The following PLEKHA8 variants were observed in gnomAD, a reference collection of about 807,000 sequenced individuals.
PLEKHA8 encodes pleckstrin homology domain-containing family A member 8.
Under a neutral mutation model 68.2 loss-of-function variants are expected in PLEKHA8, and 36 were observed. The ratio of observed to expected loss-of-function variants is 0.53; its 90% CI spans 0.40 to 0.70. PLEKHA8 has a LOEUF of 0.70. Among genes scored for constraint, PLEKHA8 ranks in the 30% least tolerant of loss-of-function variants. PLEKHA8 has a pLI of 0.00. For synonymous variants in PLEKHA8, 211 were observed against 216.1 expected, an observed-to-expected ratio of 0.98 and a Z score of 0.20; for missense variants, 505 against 615.4, an observed-to-expected ratio of 0.82 and a Z score of 1.90.
At chr7:30,049,052 G>A (rs1426304229) in intron 4 of PLEKHA8, 172 bp from the exon 5 acceptor site, 1 of 738,494 alleles carries the variant, frequency 1.4e-6, no homozygotes, top group Non-Finnish European at 2.2e-6. Flanking sequence ...AAATAGTGCT[G>A]ATAGTTACTT....
intron 2 of PLEKHA8, 65 bp downstream of exon 2, chr7:30,045,266 C>T: frequency 8.4e-7 from 1 of 1,196,248 alleles, no homozygotes; most frequent in Non-Finnish European, 1.2e-6. Flanking sequence ...ACAAAAAAGC[C>T]CCTGGCCCCT....
At chr7:30,064,386 T>C (rs1793668232) in intron 12 of PLEKHA8, among the ~76,000 whole-genome samples, 1 of 152,110 alleles carries the variant, frequency 6.6e-6, no homozygotes, top group East Asian at 1.9e-4. Flanking sequence ...ACTCCATCTC[T>C]ACAAAAATTA....
At chr7:30,046,122 A>G (rs1791936559) in intron 2 of PLEKHA8, 88 bp from the exon 3 acceptor site, 2 of 1,279,614 alleles carry the variant, frequency 1.6e-6, no homozygotes, top group Admixed American at 2.6e-5. Flanking sequence ...AATGACTGCC[A>G]TCAATTAAGC....
At chr7:30,125,016 C>T (rs1796750696) in intron 13 of PLEKHA8, among the ~76,000 whole-genome samples, 1 of 151,788 alleles carries the variant, frequency 6.6e-6, no homozygotes, top group Non-Finnish European at 1.5e-5. Context: ...TAATAAAATA[C>T]ATGGAACATA....
chr7:30,080,741 C>G lies in PLEKHA8; in HGVS notation c.*1954C>G. ...GTGTGTGTGTTATTTCCCTCCCACTCTCATGAGCAGTGAGTATAGATCTCC... is the reference window on the plus strand; with the variant it reads ...GTGTGTGTGTTATTTCCCTCCCACTGTCATGAGCAGTGAGTATAGATCTCC... On this transcript the variant is annotated 3_prime_UTR_variant, in exon 14 of 14. Transcript: ENST00000449726. 4.1e-6 allele frequency: 4 copies of G among 985,258 alleles called. No homozygotes were observed. The highest frequency in any genetic ancestry group is 4.8e-6 in the Non-Finnish European group (4 of 829,864). 61.0% of individuals were successfully genotyped at this position (985,258 alleles called of 1,614,324 possible).
chr7:30,033,859 C>T (rs1200758265), intron 1 of PLEKHA8, among the ~76,000 whole-genome samples: 3 of 151,902 alleles, frequency 2.0e-5, no homozygotes, highest in African/African-American at 7.3e-5. Flanking sequence ...GAAATGATAT[C>T]TCATGGTTTT....
Position 30,081,506 on chromosome 7 carries a change from C to T in PLEKHA8, c.*2719C>T. ...GTCATAATTTGCGCTGATGTGTAAT[C>T]ACTTTCCAAGAAGAGGGCAATGAGA... On this transcript the variant is annotated 3_prime_UTR_variant, in exon 14 of 14. Coordinates refer to ENST00000449726, the MANE Select transcript of PLEKHA8 (RefSeq NM_001197026.2). The T allele has an allele frequency of 1.0e-6, 1 of 985,276 alleles. No homozygotes were observed. The highest frequency in any genetic ancestry group is 1.2e-6 in the Non-Finnish European group (1 of 829,798). The allele number at this position is 985,276 out of a possible 1,614,324, so 61.0% of individuals were successfully genotyped here. A position where few individuals can be genotyped will look rare whatever the true frequency, so the allele number is the denominator to read the frequency against.
At chr7:30,070,795 C>T (rs939234972) in intron 12 of PLEKHA8, among the ~76,000 whole-genome samples, 2 of 152,162 alleles carry the variant, frequency 1.3e-5, no homozygotes, top group East Asian at 1.9e-4. Context: ...CCACCCGCCT[C>T]GGCCTCCCAA....
chr7:30,079,570 C>A lies in PLEKHA8; in HGVS notation c.*783C>A. 1 of 864,778 alleles carries A rather than the reference C, an allele frequency of 1.2e-6. No individual in the cohort carries two copies. The highest frequency in any genetic ancestry group is 1.4e-6 in the Non-Finnish European group (1 of 720,130). The allele number at this position is 864,778 out of a possible 1,614,324, so 53.6% of individuals were successfully genotyped here. On this transcript the variant is annotated 3_prime_UTR_variant, in exon 14 of 14. Coordinates refer to ENST00000449726, the MANE Select transcript of PLEKHA8 (RefSeq NM_001197026.2). ...ATTGGACATCACAAGTAATGATACC[C>A]AGAGGGATTATTACTCCACTTCAAA...
Position 30,079,381 on chromosome 7 carries a change from T to TC in PLEKHA8, c.*597dup. On this transcript the variant is annotated 3_prime_UTR_variant, in exon 14 of 14. Coordinates refer to ENST00000449726, the MANE Select transcript of PLEKHA8 (RefSeq NM_001197026.2). ...GAGGCGAAGAAGACGTGGACAGGAGTCCCATCCTTGCTGACAGGCATGAAA... is the reference window on the plus strand; with the variant it reads ...GAGGCGAAGAAGACGTGGACAGGAGTCCCCATCCTTGCTGACAGGCATGAAA... 1 of 985,664 alleles carries TC rather than the reference T, an allele frequency of 1.0e-6. No individual in the cohort carries two copies. Among genetic ancestry groups the TC allele is most frequent in the Non-Finnish European group, 1.2e-6 (1 of 830,304 alleles). 61.1% of individuals were successfully genotyped at this position (985,664 alleles called of 1,614,324 possible). A position where few individuals can be genotyped will look rare whatever the true frequency, so the allele number is the denominator to read the frequency against.
rs1186287596 is a variant in PLEKHA8 at position 30,080,094 on chromosome 7, A to C, written c.*1307A>C. ...AATCAATCTCGGTTTAATCACCAAA[A>C]GTGCAGAGCAGGCAAAATGCAGCTG... is the stretch of plus-strand genomic sequence containing the variant. On this transcript the variant is annotated 3_prime_UTR_variant, in exon 14 of 14. Transcript: ENST00000449726. 1 of 985,294 alleles carries C rather than the reference A, an allele frequency of 1.0e-6. No individual in the cohort carries two copies. The highest frequency in any genetic ancestry group is 1.2e-6 in the Non-Finnish European group (1 of 829,930). 61.0% of individuals were successfully genotyped at this position (985,294 alleles called of 1,614,324 possible).
chr7:30,090,038 A>T, intron 12 of PLEKHA8: 2 of 1,025,702 alleles, frequency 1.9e-6, no homozygotes, highest in Non-Finnish European at 2.8e-6. Context: ...ACATAAGAAT[A>T]ATTGGTGACC....
chr7:30,112,115 A>G (rs1445237625), intron 13 of PLEKHA8, among the ~76,000 whole-genome samples: 1 of 152,226 alleles, frequency 6.6e-6, no homozygotes, highest in African/African-American at 2.4e-5. Context: ...GTATTTAGGG[A>G]TAAAGAAAGT....
intron 13 of PLEKHA8, among the ~76,000 whole-genome samples, chr7:30,124,957 A>T (rs901934091): frequency 6.6e-6 from 1 of 152,034 alleles, no homozygotes; most frequent in Non-Finnish European, 1.5e-5. Flanking sequence ...AAAAAATCAG[A>T]ATTTTTTTTT....
Position 30,081,944 on chromosome 7 carries a change from G to A in PLEKHA8, c.*3157G>A, listed in dbSNP as rs1325414118. ...TTGAAAGCAAGTCAGATTCCTTATA[G>A]CTAATGCTGGTGAAAAATGTTAAAT... is the stretch of plus-strand genomic sequence containing the variant. On this transcript the variant is annotated 3_prime_UTR_variant, in exon 14 of 14. Coordinates refer to ENST00000449726, the MANE Select transcript of PLEKHA8 (RefSeq NM_001197026.2). 4.2e-6 allele frequency: 4 copies of A among 956,356 alleles called. No individual in the cohort carries two copies. Among genetic ancestry groups the A allele is most frequent in the Non-Finnish European group, 3.7e-6 (3 of 803,686 alleles). 59.2% of individuals were successfully genotyped at this position (956,356 alleles called of 1,614,324 possible).
chr7:30,109,884 C>A (rs929151318), intron 13 of PLEKHA8, among the ~76,000 whole-genome samples: 1 of 151,916 alleles, frequency 6.6e-6, no homozygotes, highest in African/African-American at 2.4e-5. Flanking sequence ...CCAGGTTGGT[C>A]TCAAACTCCT....
At chr7:30,030,823 C>G (rs561634625) in intron 1 of PLEKHA8, among the ~76,000 whole-genome samples, 2 of 152,340 alleles carry the variant, frequency 1.3e-5, no homozygotes, top group African/African-American at 4.8e-5. Context: ...CACTTTTCTA[C>G]TTGTTCTTCG....
rs1476010912 is a variant in PLEKHA8, at chr7:30,056,742, AGTGTGTGTGTGTGTGTGTGTGTGTGTGTG to A, written c.1039+1401_1039+1429del. ...CCTGTCTCAAAAAAAAAAAAAAAAA[AGTGTGTGTGTGTGTGTGTGTGTGTGTGTG>A]TGTGTGTGTGTGTGTATATATATAT... On this transcript the variant is annotated intron_variant, in intron 9 of 13. Transcript: ENST00000449726. Among the ~76,000 whole-genome samples the A allele has an allele frequency of 9.4e-5, 7 of 74,782 alleles. No homozygotes were observed. The East Asian group carries it at 3.5e-3, about 38-fold the overall frequency. 49.1% of individuals were successfully genotyped at this position (74,782 alleles called of 152,430 possible).
downstream of PLEKHA8, chr7:30,129,485 T>C (rs186067057): frequency 1.4e-3 from 1,002 of 715,360 alleles, 9 homozygotes; most frequent in African/African-American, 0.016. Flanking sequence ...TTAGTCAAGA[T>C]TTTTATTATC....
Sources: allele counts gnomAD v4.1 joint callset (sites outside exome capture counted in the v4.1 genomes callset), GRCh38; gene constraint gnomAD v4.1.1; transcripts MANE v1.5; gene names NCBI Gene and HGNC (gene_info 2026-07-23, HGNC 2026-07-21).